GRM5: variants seen among roughly 807,000 people sequenced by gnomAD.
The protein encoded by GRM5 is glutamate metabotropic receptor 5.
Under a neutral mutation model 83.1 loss-of-function variants are expected in GRM5, and 19 were observed. That is an observed-to-expected ratio of 0.23 (90% CI 0.16 to 0.34). The LOEUF (loss-of-function observed/expected upper bound fraction) is 0.34. GRM5 is among the 10% of genes least tolerant of loss of function. The pLI, the probability that GRM5 is intolerant of heterozygous loss-of-function variation, is 1.00. For synonymous variants in GRM5, 675 were observed against 633.6 expected (o/e 1.07, Z -0.98); for missense variants, 1,160 against 1,588.3 (o/e 0.73, Z 4.58).
At chr11:88,779,735 T>C (rs1412151871) in intron 3 of GRM5, among the ~76,000 whole-genome samples, 7 of 152,172 alleles carry the variant, frequency 4.6e-5, no homozygotes, top group Non-Finnish European at 1.0e-4. Context: ...TTATTTGGAT[T>C]CTTAGTCACC....
intron 2 of GRM5, among the ~76,000 whole-genome samples, chr11:88,954,274 G>T (rs1258833704): frequency 1.3e-5 from 2 of 152,104 alleles, no homozygotes; most frequent in Non-Finnish European, 2.9e-5. Flanking sequence ...AAGAAAATTA[G>T]TTAAGAATTC....
intron 5 of GRM5, among the ~76,000 whole-genome samples, chr11:88,597,852 G>T (rs1011391339): frequency 6.6e-6 from 1 of 152,076 alleles, no homozygotes; most frequent in Non-Finnish European, 1.5e-5. Context: ...ATTGTACAAA[G>T]ATAGTTTTGA....
intron 3 of GRM5, among the ~76,000 whole-genome samples, chr11:88,691,027 G>T (rs973105106): frequency 2.0e-5 from 3 of 152,152 alleles, no homozygotes; most frequent in Admixed American, 6.6e-5. Context: ...GAGGCTCCCT[G>T]CCTTTAAGGT....
chr11:88,935,488 T>C (rs1271292421), intron 2 of GRM5, among the ~76,000 whole-genome samples: 1 of 151,914 alleles, frequency 6.6e-6, no homozygotes, highest in Non-Finnish European at 1.5e-5. Flanking sequence ...TCAATCTTGC[T>C]TGCTTAGGCC....
chr11:88,629,938 G>A (rs1324481954), intron 4 of GRM5, among the ~76,000 whole-genome samples: 2 of 152,158 alleles, frequency 1.3e-5, no homozygotes, highest in African/African-American at 4.8e-5. Flanking sequence ...TGACCTCTTT[G>A]ACATTATCTT....
At chr11:88,792,215 G>A (rs1943187566) in intron 3 of GRM5, among the ~76,000 whole-genome samples, 2 of 152,062 alleles carry the variant, frequency 1.3e-5, no homozygotes, top group African/African-American at 4.8e-5. Flanking sequence ...GTAGGGGCCT[G>A]AAAATATCTC....
chr11:88,885,556 C>A (rs2135578339), intron 2 of GRM5, among the ~76,000 whole-genome samples: 1 of 134,654 alleles, frequency 7.4e-6, no homozygotes, highest in African/African-American at 2.7e-5. Context: ...TACAGTATCC[C>A]TCCTTAAAAA....
chr11:88,587,803 A>C (rs1264803083), intron 7 of GRM5, among the ~76,000 whole-genome samples: 1 of 152,188 alleles, frequency 6.6e-6, no homozygotes, highest in Non-Finnish European at 1.5e-5. Context: ...TCATTAGATC[A>C]TGCTTTTTTA....
chr11:88,938,385 G>A (rs1460882638), intron 2 of GRM5, among the ~76,000 whole-genome samples: 24 of 151,334 alleles, frequency 1.6e-4, no homozygotes, highest in Non-Finnish European at 2.1e-4. Flanking sequence ...TTTCATACAC[G>A]AAGGACTATA....
intron 3 of GRM5, among the ~76,000 whole-genome samples, chr11:88,824,790 T>C (rs868125392): frequency 1.1e-4 from 17 of 152,156 alleles, no homozygotes; most frequent in African/African-American, 2.9e-4. Flanking sequence ...TGGGGACCCC[T>C]GCTCTAAATA....
At chr11:88,851,286 T>C (rs1467480897) in intron 2 of GRM5, among the ~76,000 whole-genome samples, 1 of 152,184 alleles carries the variant, frequency 6.6e-6, no homozygotes, top group Non-Finnish European at 1.5e-5. Flanking sequence ...GGGGGATTGC[T>C]TTGAAGAATA....
At chr11:88,556,514 G>C (rs1263122180) in intron 8 of GRM5, among the ~76,000 whole-genome samples, 1 of 151,840 alleles carries the variant, frequency 6.6e-6, no homozygotes, top group Non-Finnish European at 1.5e-5. Flanking sequence ...GTAGAGACAG[G>C]GTTTCACCAT....
intron 3 of GRM5, among the ~76,000 whole-genome samples, chr11:88,810,773 A>G (rs1390034804): frequency 6.6e-6 from 1 of 152,156 alleles, no homozygotes; most frequent in Non-Finnish European, 1.5e-5. Context: ...AATGCCAACC[A>G]GGATCATTGA....
chr11:89,062,440 A>G (rs1431287630), intron 1 of GRM5, among the ~76,000 whole-genome samples: 1 of 152,222 alleles, frequency 6.6e-6, no homozygotes, highest in East Asian at 1.9e-4. Context: ...TTAGAGACAC[A>G]AATTAGCTCT....
chr11:88,953,927 T>C (rs1422251566), intron 2 of GRM5, among the ~76,000 whole-genome samples: 1 of 152,224 alleles, frequency 6.6e-6, no homozygotes, highest in African/African-American at 2.4e-5. Flanking sequence ...TTCTGACCAT[T>C]GCATGGAGAA....
chr11:88,820,806 G>A (rs983875233), intron 3 of GRM5, among the ~76,000 whole-genome samples: 3 of 152,144 alleles, frequency 2.0e-5, no homozygotes, highest in Non-Finnish European at 4.4e-5. Flanking sequence ...TCCTTTGGAG[G>A]CATGGATTCC....
At chr11:88,782,095 A>C (rs1365980610) in intron 3 of GRM5, among the ~76,000 whole-genome samples, 1 of 152,046 alleles carries the variant, frequency 6.6e-6, no homozygotes, top group Non-Finnish European at 1.5e-5. Context: ...ATTTATTAAT[A>C]TGTATATTAT....
chr11:88,739,958 TAAG>T (rs1941994683), intron 3 of GRM5, among the ~76,000 whole-genome samples: 1 of 152,106 alleles, frequency 6.6e-6, no homozygotes, highest in Non-Finnish European at 1.5e-5. Flanking sequence ...GCATTTATAG[TAAG>T]AACACAACAG....
At chr11:88,978,436 AC>A in intron 2 of GRM5, among the ~76,000 whole-genome samples, 1 of 141,694 alleles carries the variant, frequency 7.1e-6, no homozygotes, top group Non-Finnish European at 1.5e-5. Context: ...CTTGGACCAC[AC>A]ATCAAATACA....
Sources: gnomAD v4.1 joint callset for allele counts (sites outside exome capture counted in the v4.1 genomes callset) on GRCh38, gnomAD v4.1.1 for gene constraint, MANE v1.5 for transcripts, NCBI Gene and HGNC (gene_info 2026-07-23, HGNC 2026-07-21) for gene names.